The following PDE8B variants were observed in gnomAD, a reference collection of about 807,000 sequenced individuals.
PDE8B encodes the protein phosphodiesterase 8B.
A neutral mutation model predicts 101.3 loss-of-function variants in PDE8B; 26 were observed. The observed-to-expected ratio is 0.26, with a 90% confidence interval of 0.19 to 0.36. The LOEUF (loss-of-function observed/expected upper bound fraction) is 0.36. Ranked by LOEUF, PDE8B falls within the 10% of genes least tolerant of loss-of-function variation. The pLI is 1.00. For synonymous variants in PDE8B, 424 were observed against 429.3 expected, an observed-to-expected ratio of 0.99 and a Z score of 0.15; for missense variants, 810 against 1,163.1, an observed-to-expected ratio of 0.70 and a Z score of 4.42.
At chr5:77,267,559 C>T (rs889741328) in intron 1 of PDE8B, among the ~76,000 whole-genome samples, 2 of 152,128 alleles carry the variant, frequency 1.3e-5, no homozygotes, top group African/African-American at 2.4e-5. Flanking sequence ...TTGTGAGTGC[C>T]CCACCCTTGC....
the PDE8B span, among the ~76,000 whole-genome samples, chr5:77,191,353 A>G: frequency 6.6e-6 from 1 of 151,668 alleles, no homozygotes; most frequent in Admixed American, 6.6e-5. Flanking sequence ...ACAATAAAAC[A>G]TATCTTTTTT....
chr5:77,129,372 C>T, the PDE8B span, among the ~76,000 whole-genome samples: 1 of 152,156 alleles, frequency 6.6e-6, no homozygotes, highest in South Asian at 2.1e-4. Flanking sequence ...GAGATCTTTA[C>T]CGAGACTCCA....
At chr5:77,290,808 A>T (rs535444233) in intron 1 of PDE8B, 49 of 1,493,134 alleles carry the variant, frequency 3.3e-5, no homozygotes, top group Non-Finnish European at 4.5e-5. Flanking sequence ...CGCCATTGTC[A>T]TGATCTGTGG....
intron 10 of PDE8B, among the ~76,000 whole-genome samples, chr5:77,367,115 T>C (rs776297564): frequency 5.9e-5 from 9 of 151,450 alleles, no homozygotes; most frequent in Non-Finnish European, 1.2e-4. Context: ...ATTTGTAAAC[T>C]TAGAAAGAGG....
chr5:77,404,490 CTATGA>C (rs1793004125), intron 11 of PDE8B, among the ~76,000 whole-genome samples: 1 of 152,200 alleles, frequency 6.6e-6, no homozygotes, highest in Non-Finnish European at 1.5e-5. Flanking sequence ...AGCTATATTA[CTATGA>C]TATAACATGG....
the PDE8B span, among the ~76,000 whole-genome samples, chr5:77,161,987 A>G: frequency 2.0e-5 from 3 of 150,562 alleles, no homozygotes; most frequent in Admixed American, 6.6e-5. Flanking sequence ...TAGTTTCAAG[A>G]TATTTTTATG....
At chr5:77,119,846 C>CA in the PDE8B span, among the ~76,000 whole-genome samples, 5 of 151,596 alleles carry the variant, frequency 3.3e-5, no homozygotes, top group African/African-American at 9.7e-5. Context: ...CCTGTTTTCA[C>CA]AAAAAATAAA....
chr5:77,375,075 A>G (rs1785808267), intron 10 of PDE8B, among the ~76,000 whole-genome samples: 1 of 152,222 alleles, frequency 6.6e-6, no homozygotes, highest in African/African-American at 2.4e-5. Context: ...TTTTCCCAGG[A>G]AACTTTTACA....
At chr5:77,399,730 C>G (rs537209152) in intron 10 of PDE8B, among the ~76,000 whole-genome samples, 1 of 152,304 alleles carries the variant, frequency 6.6e-6, no homozygotes, top group Non-Finnish European at 1.5e-5. Flanking sequence ...AGGTGGAAAA[C>G]TGCATCTAAA....
intron 10 of PDE8B, among the ~76,000 whole-genome samples, chr5:77,379,207 G>A (rs1427276070): frequency 6.6e-6 from 1 of 152,118 alleles, no homozygotes; most frequent in African/African-American, 2.4e-5. Context: ...ATGTAGACCT[G>A]GCATTGCACA....
chr5:77,191,446 G>A, the PDE8B span, among the ~76,000 whole-genome samples: 5 of 151,590 alleles, frequency 3.3e-5, no homozygotes, highest in East Asian at 1.9e-4. Context: ...TCCGCCTCCC[G>A]GGTTCATGCC....
At chr5:77,366,352 C>T (rs1236356614) in intron 10 of PDE8B, among the ~76,000 whole-genome samples, 2 of 152,162 alleles carry the variant, frequency 1.3e-5, no homozygotes, top group Non-Finnish European at 2.9e-5. Flanking sequence ...AAACGGCTGC[C>T]CCCTTTAGCC....
At chr5:77,292,200 G>T (rs1321788630) in intron 1 of PDE8B, among the ~76,000 whole-genome samples, 1 of 152,146 alleles carries the variant, frequency 6.6e-6, no homozygotes, top group African/African-American at 2.4e-5. Context: ...AGTGTTTGGT[G>T]CTGGGGTGCA....
rs1010698184 is a variant in PDE8B, at chr5:77,291,863, C to A, written c.340-20131C>A. Reference sequence around the variant, plus strand: ...GTTCGGCAGCTGTTTTTGAAGAAGACAAAGAAAATTAAAGTTTTCCTTGAA... The same window carrying A: ...GTTCGGCAGCTGTTTTTGAAGAAGAAAAAGAAAATTAAAGTTTTCCTTGAA... On this transcript the variant is annotated intron_variant, in intron 1 of 21. Transcript: ENST00000264917. 16 of 1,439,906 alleles carry A rather than the reference C, an allele frequency of 1.1e-5. No individual in the cohort carries two copies. The Admixed American group carries it at 2.7e-4, about 24-fold the overall frequency. 89.2% of individuals were successfully genotyped at this position (1,439,906 alleles called of 1,614,324 possible).
intron 1 of PDE8B, among the ~76,000 whole-genome samples, chr5:77,257,917 T>C (rs1446370394): frequency 6.6e-6 from 1 of 152,090 alleles, no homozygotes; most frequent in East Asian, 1.9e-4. Flanking sequence ...CTTTTCTTAA[T>C]AGCAATTTGG....
chr5:77,404,658 GA>G lies in PDE8B; in HGVS notation c.1211-60del, dbSNP rs1247278165. On this transcript the variant is annotated intron_variant, in intron 11 of 21. Coordinates refer to ENST00000264917, the MANE Select transcript of PDE8B (RefSeq NM_003719.5). ...TAGAGAATAAAGAAAAAACATGTTT[GA>G]ATCTCTTCTGTGAATACACGGAAAA... is the stretch of plus-strand genomic sequence containing the variant. 4 of 950,850 alleles carry G rather than the reference GA, an allele frequency of 4.2e-6. No individual in the cohort carries two copies. In the African/African-American group the frequency reaches 4.8e-5, roughly 11 times the overall value. The allele number at this position is 950,850 out of a possible 1,614,324, so 58.9% of individuals were successfully genotyped here. A position where few individuals can be genotyped will look rare whatever the true frequency, so the allele number is the denominator to read the frequency against.
the PDE8B span, among the ~76,000 whole-genome samples, chr5:77,089,730 C>CA: frequency 6.6e-6 from 1 of 152,168 alleles, no homozygotes; most frequent in Non-Finnish European, 1.5e-5. Flanking sequence ...TTATGGAAAA[C>CA]AGTATGGCGG....
intron 10 of PDE8B, among the ~76,000 whole-genome samples, chr5:77,363,644 G>A (rs1156838655): frequency 2.7e-5 from 4 of 150,622 alleles, no homozygotes; most frequent in Non-Finnish European, 5.9e-5. Flanking sequence ...TCCAGGAGGC[G>A]GAGGTTGCCG....
chr5:77,166,253 A>G, the PDE8B span, among the ~76,000 whole-genome samples: 8 of 151,232 alleles, frequency 5.3e-5, no homozygotes, highest in African/African-American at 1.7e-4. Flanking sequence ...AAAACCAACA[A>G]AAAAAACCCC....
Sources: gnomAD v4.1 joint callset for allele counts (sites outside exome capture counted in the v4.1 genomes callset) on GRCh38, gnomAD v4.1.1 for gene constraint, MANE v1.5 for transcripts, NCBI Gene and HGNC (gene_info 2026-07-23, HGNC 2026-07-21) for gene names.